Variants in ELF1 observed in about 807,000 individuals in gnomAD.
The protein encoded by ELF1 is E74 like ETS transcription factor 1.
Under a neutral mutation model 59.9 loss-of-function variants are expected in ELF1, and 24 were observed. That is an observed-to-expected ratio of 0.40 (90% CI 0.29 to 0.56). The LOEUF is 0.56. Among genes scored for constraint, ELF1 ranks in the 20% least tolerant of loss-of-function variants. ELF1 has a pLI of 0.44. For missense variants in ELF1, 627 were observed against 742.2 expected (o/e 0.84, Z 1.80); for synonymous variants, 248 against 266.2 (o/e 0.93, Z 0.67).
chr13:41,045,289 T>A (rs1876796136), intron 1 of ELF1, among the ~76,000 whole-genome samples: 1 of 152,084 alleles, frequency 6.6e-6, no homozygotes, highest in African/African-American at 2.4e-5. Flanking sequence ...TATGTCTCCA[T>A]CTCCTTCAGT....
chr13:40,964,663 T>G (rs969981050), intron 2 of ELF1, among the ~76,000 whole-genome samples: 5 of 152,122 alleles, frequency 3.3e-5, no homozygotes, highest in African/African-American at 1.2e-4. Context: ...GCCTCTCAAG[T>G]AGCTGCGACT....
At chr13:41,007,795 G>A (rs371669926) in intron 1 of ELF1, among the ~76,000 whole-genome samples, 16 of 152,206 alleles carry the variant, frequency 1.1e-4, no homozygotes, top group East Asian at 9.7e-4. Context: ...TATTCACAGC[G>A]ATTCACAAAA....
At position 40,978,404 on chromosome 13, in the gene ELF1, A is replaced by C. The variant is rs140117942; in HGVS notation, c.72+3579T>G. On this transcript the variant is annotated intron_variant, in intron 2 of 8. Transcript: ENST00000239882. ...AAAAAAAAACAAAAAAGAAAAGAAA[A>C]TGTAAAGAGAGTATATACTAATTTT... is the stretch of plus-strand genomic sequence containing the variant. 8.4e-3 allele frequency among the ~76,000 whole-genome samples: 1,279 copies of C among 151,980 alleles called. 22 individuals are homozygous for C. Among genetic ancestry groups the C allele is most frequent in the African/African-American group, 0.029 (1,194 of 41,456 alleles).
chr13:40,993,168 G>A (rs780020489), intron 1 of ELF1: 8 of 1,510,312 alleles, frequency 5.3e-6, no homozygotes, highest in Non-Finnish European at 7.4e-6. Flanking sequence ...TGTAGTGTGT[G>A]TGGTTCTTCC....
At chr13:41,032,112 C>T (rs1362794464) in intron 1 of ELF1, among the ~76,000 whole-genome samples, 1 of 151,934 alleles carries the variant, frequency 6.6e-6, no homozygotes, top group Admixed American at 6.6e-5. Flanking sequence ...AGACAACTAC[C>T]TTTGTCATTA....
intron 7 of ELF1, among the ~76,000 whole-genome samples, chr13:40,942,356 G>A (rs746127479): frequency 2.0e-5 from 3 of 152,074 alleles, no homozygotes; most frequent in East Asian, 1.9e-4. Flanking sequence ...AAATACATGC[G>A]TATCTTGAAG....
intron 3 of ELF1, among the ~76,000 whole-genome samples, chr13:40,955,169 C>T (rs1245988637): frequency 1.6e-4 from 24 of 149,760 alleles, no homozygotes; most frequent in Admixed American, 2.6e-4. Context: ...CCCCTCCGCC[C>T]GGCAGCCACA....
At chr13:40,991,392 T>C (rs1488773763) in intron 1 of ELF1, among the ~76,000 whole-genome samples, 1 of 152,208 alleles carries the variant, frequency 6.6e-6, no homozygotes, top group Non-Finnish European at 1.5e-5. Flanking sequence ...TACTCTAAAA[T>C]TAAAGTTTTC....
intron 2 of ELF1, among the ~76,000 whole-genome samples, chr13:40,974,761 C>T (rs1872799236): frequency 6.6e-6 from 1 of 152,138 alleles, no homozygotes; most frequent in African/African-American, 2.4e-5. Flanking sequence ...TCCTACTCTC[C>T]ACACTGACTC....
chr13:40,949,739 A>G, intron 5 of ELF1, 67 bp downstream of exon 5: 2 of 1,552,490 alleles, frequency 1.3e-6, no homozygotes, highest in Non-Finnish European at 1.8e-6. Context: ...ACTATGTAGA[A>G]TAAAAGTGAT....
rs1224008681 is a variant in ELF1 at position 40,949,965 on chromosome 13, T to C, written c.370A>G (p.Ile124Val). Reference protein sequence around the residue: ...MLDEKRINNNIFSSPEDDMVV... With the variant: ...MLDEKRINNNVFSSPEDDMVV... ...ATGTCATCTTCAGGTGAACTAAATA[T>C]ATTATTATCTAATGAAAATAAAATC... Residue 124 changes from isoleucine (I) to valine (V), a missense_variant, in exon 5 of 9, where the codon ATA becomes GTA. Around this residue, in one of 3 missense-constraint regions of ELF1, gnomAD observed 232 missense variants for 269.2 expected, o/e 0.86. Coordinates refer to ENST00000239882, the MANE Select transcript of ELF1 (RefSeq NM_172373.4). 2 of 1,607,188 alleles carry C rather than the reference T, an allele frequency of 1.2e-6. No individual in the cohort carries two copies. The highest frequency in any genetic ancestry group is 1.7e-6 in the Non-Finnish European group (2 of 1,177,158).
chr13:41,043,045 T>C (rs1363319921), intron 1 of ELF1, among the ~76,000 whole-genome samples: 1 of 152,258 alleles, frequency 6.6e-6, no homozygotes, highest in East Asian at 1.9e-4. Context: ...TGCATTTCTC[T>C]GATGGCCAGT....
intron 1 of ELF1, among the ~76,000 whole-genome samples, chr13:41,038,336 T>C (rs1168004008): frequency 1.3e-5 from 2 of 151,932 alleles, no homozygotes; most frequent in Admixed American, 6.6e-5. Flanking sequence ...TGGAAATATG[T>C]TGAAACCCCA....
intron 1 of ELF1, among the ~76,000 whole-genome samples, chr13:41,036,939 C>T (rs1375750708): frequency 1.3e-5 from 2 of 151,118 alleles, no homozygotes; most frequent in Admixed American, 6.6e-5. Context: ...GAACATCACA[C>T]ACTGGGGCCT....
chr13:41,001,031 C>T (rs1176564225), intron 1 of ELF1, among the ~76,000 whole-genome samples: 1 of 150,808 alleles, frequency 6.6e-6, no homozygotes, highest in Admixed American at 6.6e-5. Flanking sequence ...GGCCAGAGTG[C>T]AATGGTGTAG....
At chr13:40,971,533 G>A (rs1318797550) in intron 2 of ELF1, among the ~76,000 whole-genome samples, 1 of 152,208 alleles carries the variant, frequency 6.6e-6, no homozygotes, top group East Asian at 1.9e-4. Context: ...TTGCAGGCAT[G>A]CGCCACTGCG....
rs142337916 is a variant in ELF1, at chr13:40,949,146, C to T, written c.529+660G>A. Among the ~76,000 whole-genome samples the T allele has an allele frequency of 5.8e-3, 878 of 151,890 alleles. 8 individuals carry two copies. Among genetic ancestry groups the T allele is most frequent in the South Asian group, 0.014 (67 of 4,810 alleles). On this transcript the variant is annotated intron_variant, in intron 5 of 8. Transcript: ENST00000239882. ...GATTACAGGCACCTGTCAACATGCCCGGCTAATTTTCATATTTTTAGTAGA... is the reference window on the plus strand; with the variant it reads ...GATTACAGGCACCTGTCAACATGCCTGGCTAATTTTCATATTTTTAGTAGA...
intron 2 of ELF1, among the ~76,000 whole-genome samples, chr13:40,960,494 T>A (rs1018111063): frequency 3.3e-5 from 5 of 152,246 alleles, no homozygotes; most frequent in Non-Finnish European, 7.3e-5. Context: ...TTTGCATTTT[T>A]GGTAGGAATA....
intron 1 of ELF1, among the ~76,000 whole-genome samples, chr13:40,993,679 CTCA>C (rs1873989089): frequency 6.6e-6 from 1 of 151,984 alleles, no homozygotes; most frequent in South Asian, 2.1e-4. Flanking sequence ...GAGAAGGGGT[CTCA>C]TCATCTTGTT....
Sources: allele counts gnomAD v4.1 joint callset (sites outside exome capture counted in the v4.1 genomes callset), GRCh38; gene constraint gnomAD v4.1.1; regional missense constraint gnomAD v4.1.1; transcripts MANE v1.5; gene names NCBI Gene and HGNC (gene_info 2026-07-23, HGNC 2026-07-21).